The following HTT variants were observed in gnomAD, a reference collection of about 807,000 sequenced individuals.
HTT encodes huntington disease protein.
Under a neutral mutation model 362.3 loss-of-function variants are expected in HTT, and 104 were observed. The ratio of observed to expected loss-of-function variants is 0.29; its 90% CI spans 0.24 to 0.34. HTT has a LOEUF of 0.34. Ranked by LOEUF, HTT falls within the 10% of genes least tolerant of loss-of-function variation. The pLI is 1.00. For synonymous variants in HTT, 1,577 were observed against 1,548.7 expected (o/e 1.02, Z -0.43); for missense variants, 3,301 against 3,928.6 (o/e 0.84, Z 4.27).
chr4:3,123,569 C>G (rs887951952), intron 10 of HTT: 1 of 152,196 alleles, frequency 6.6e-6, no homozygotes, highest in African/African-American at 2.4e-5. Context: ...TGCCTGTAGC[C>G]TCAGCTGCTG....
chr4:3,200,912 A>G (rs1175651330), intron 41 of HTT, among the ~76,000 whole-genome samples: 3 of 152,242 alleles, frequency 2.0e-5, no homozygotes. Context: ...TAACGTGCAT[A>G]GAAATCAGCT....
intron 52 of HTT, among the ~76,000 whole-genome samples, chr4:3,219,478 G>T (rs1477604798): frequency 6.6e-6 from 1 of 152,206 alleles, no homozygotes. Context: ...GTGGGTACCA[G>T]AGAGGAGCAT....
Position 3,238,524 on chromosome 4 carries a change from C to A in HTT, c.8969C>A (p.Pro2990His). 2 of 1,613,468 alleles carry A rather than the reference C, an allele frequency of 1.2e-6. No individual in the cohort carries two copies. Among genetic ancestry groups the A allele is most frequent in the South Asian group, 2.2e-5 (2 of 90,864 alleles). The change falls in exon 65 of 67, where the codon CCC becomes CAC. Residue 2990 changes from proline (P) to histidine (H), a missense_variant. This residue lies in a region of HTT where 753 missense variants were observed against 1,021.3 expected (regional missense o/e 0.74). Coordinates refer to ENST00000355072, the MANE Select transcript of HTT (RefSeq NM_001388492.1). ...CAGTTTCTAGACGACTTCTTCCCAC[C>A]CCAGGACATCATGAACAAAGTCATC... ...LPQFLDDFFP[P>H]QDIMNKVIGE...
chr4:3,157,362 C>T (rs1717203004), intron 28 of HTT, among the ~76,000 whole-genome samples, 163 bp downstream of exon 28: 1 of 152,106 alleles, frequency 6.6e-6, no homozygotes, highest in Admixed American at 6.5e-5. Flanking sequence ...TTTATGATAG[C>T]TTCTATCATA....
rs1378958452 is a variant in HTT at position 3,125,556 on chromosome 4, G to T, written c.1329G>T (p.Val443=). 1 of 1,612,234 alleles carries T rather than the reference G, an allele frequency of 6.2e-7. No individual in the cohort carries two copies. The highest frequency in any genetic ancestry group is 8.5e-7 in the Non-Finnish European group (1 of 1,178,428). ...TGGTACATTATTTACTAGGCAAAGT[G>T]CTCTTAGGAGAAGAAGAAGCCTTGG... is the stretch of plus-strand genomic sequence containing the variant. ...PVLSRKQKGK[V]LLGEEEALED... Residue 443 remains valine (V), a synonymous_variant, in exon 11 of 67, where the codon GTG becomes GTT. Transcript: ENST00000355072.
At position 3,220,327 on chromosome 4, in the gene HTT, C is replaced by T. The variant is rs1560599818; in HGVS notation, c.7369+19C>T. ...ACACTAGGTACTCTTGGGGCCTCTCCTTCAGGTCACCATTGTCGGACATCT... is the reference window on the plus strand; with the variant it reads ...ACACTAGGTACTCTTGGGGCCTCTCTTTCAGGTCACCATTGTCGGACATCT... On this transcript the variant is annotated intron_variant, in intron 53 of 66. Transcript: ENST00000355072. 1.2e-6 allele frequency: 2 copies of T among 1,604,460 alleles called. No homozygotes were observed. Among genetic ancestry groups the T allele is most frequent in the East Asian group, 2.2e-5 (1 of 44,660 alleles).
chr4:3,228,815 G>T lies in HTT; in HGVS notation c.7980-65G>T, dbSNP rs573536475. 1.3e-5 allele frequency: 21 copies of T among 1,580,048 alleles called. No homozygotes were observed. Among genetic ancestry groups the T allele is most frequent in the Non-Finnish European group, 1.7e-5 (20 of 1,156,344 alleles). On this transcript the variant is annotated intron_variant, in intron 58 of 66. Coordinates refer to ENST00000355072, the MANE Select transcript of HTT (RefSeq NM_001388492.1). The surrounding 1 kb of genome is among the most constrained non-coding windows in gnomAD (Gnocchi z 4.3). Reference sequence around the variant, plus strand: ...TTATCAGTCATTTGATTTGTTTGAGGTGCTTCTTGAAATGAGCCTCTCATC... The same window carrying T: ...TTATCAGTCATTTGATTTGTTTGAGTTGCTTCTTGAAATGAGCCTCTCATC...
At chr4:3,238,648 C>T (rs769772678) in intron 65 of HTT, 39 bp downstream of exon 65, 1 of 1,562,920 alleles carries the variant, frequency 6.4e-7, no homozygotes, top group Non-Finnish European at 8.7e-7. Context: ...GTGGGAAAGC[C>T]TGGAGGTGGA....
chr4:3,220,453 G>A (rs1280775912), intron 53 of HTT, 145 bp downstream of exon 53: 1 of 827,974 alleles, frequency 1.2e-6, no homozygotes, highest in South Asian at 2.0e-5. Flanking sequence ...AATACATTTT[G>A]CAGTGTTGGC....
intron 6 of HTT, among the ~76,000 whole-genome samples, chr4:3,112,165 G>A (rs1166191131): frequency 1.3e-5 from 2 of 152,160 alleles, no homozygotes; most frequent in Non-Finnish European, 2.9e-5. Flanking sequence ...GGGTAGCAGA[G>A]CTTCACAAGT....
At chr4:3,102,122 A>G (rs560923652) in intron 3 of HTT, among the ~76,000 whole-genome samples, 26 of 152,262 alleles carry the variant, frequency 1.7e-4, no homozygotes, top group African/African-American at 6.3e-4. Flanking sequence ...GACGTGGGGT[A>G]GAGGAGGACA....
chr4:3,217,112 G>A (rs767364200), intron 51 of HTT, among the ~76,000 whole-genome samples: 29 of 152,154 alleles, frequency 1.9e-4, no homozygotes, highest in Non-Finnish European at 4.0e-4. Flanking sequence ...TCTATCCTAG[G>A]AAGTTGCCCA....
At position 3,238,998 on chromosome 4, in the gene HTT, G is replaced by A. The variant is rs1721679935; in HGVS notation, c.9215+20G>A. On this transcript the variant is annotated intron_variant, in intron 66 of 66. Coordinates refer to ENST00000355072, the MANE Select transcript of HTT (RefSeq NM_001388492.1). ...GGCGATGTATCCTCTCTGGGTCCCT[G>A]GTGCTGGCCCCGTTTCCCTTGTCAA... 1 of 1,590,524 alleles carries A rather than the reference G, an allele frequency of 6.3e-7. No individual in the cohort carries two copies.
At chr4:3,188,914 C>A in intron 39 of HTT, 37 bp from the exon 40 acceptor site, 1 of 1,601,804 alleles carries the variant, frequency 6.2e-7, no homozygotes, top group South Asian at 1.1e-5. Flanking sequence ...TTATAGTAGT[C>A]ACCTAATTCA....
Position 3,222,475 on chromosome 4 carries a change from G to A in HTT, c.7458G>A (p.Glu2486=). The change falls in exon 54 of 67, where the codon GAG becomes GAA. Residue 2486 remains glutamate (E), a synonymous_variant. Transcript: ENST00000355072. ...VTQPLVMEQE[E]SPPEEDTERT... is the part of the protein sequence containing the mutation. ...AGCCCCTCGTGATGGAGCAGGAGGA[G>A]AGCCCACCAGAAGTAAGGCCACACC... 1 of 1,613,940 alleles carries A rather than the reference G, an allele frequency of 6.2e-7. No individual in the cohort carries two copies. Among genetic ancestry groups the A allele is most frequent in the Non-Finnish European group, 8.5e-7 (1 of 1,179,942 alleles).
intron 2 of HTT, among the ~76,000 whole-genome samples, chr4:3,089,436 G>A (rs950792824): frequency 6.6e-6 from 1 of 152,144 alleles, no homozygotes; most frequent in African/African-American, 2.4e-5. Flanking sequence ...TGTATTTTTA[G>A]TAGAGATGGG....
At chr4:3,075,611 T>G (rs951371407) in intron 1 of HTT, among the ~76,000 whole-genome samples, 8 of 113,652 alleles carry the variant, frequency 7.0e-5, no homozygotes, top group Non-Finnish European at 1.4e-4. Context: ...GTGGATGACA[T>G]AATGCTTTTA....
At chr4:3,119,052 G>A (rs1715167586) in intron 8 of HTT, among the ~76,000 whole-genome samples, 1 of 152,188 alleles carries the variant, frequency 6.6e-6, no homozygotes, top group Non-Finnish European at 1.5e-5. Flanking sequence ...CTTTCCATGT[G>A]TGCTTTTCGA....
chr4:3,075,648 A>AGGGGGGGGGGGGGGGGGGT (rs368641776), intron 1 of HTT, among the ~76,000 whole-genome samples: 1 of 54,364 alleles, frequency 1.8e-5, no homozygotes, highest in Non-Finnish European at 4.0e-5. Flanking sequence ...GTGGCGGGGC[A>AGGGGGGGGGGGGGGGGGGT]GGGGGGGGGC....
Sources: allele counts gnomAD v4.1 joint callset (sites outside exome capture counted in the v4.1 genomes callset), GRCh38; gene constraint gnomAD v4.1.1; regional missense constraint gnomAD v4.1.1; non-coding constraint Gnocchi (gnomAD v3.1); transcripts MANE v1.5; gene names NCBI Gene and HGNC (gene_info 2026-07-23, HGNC 2026-07-21).